Variants in GABRA3 observed in about 807,000 individuals in gnomAD.
The protein encoded by GABRA3 is gamma-aminobutyric acid receptor subunit alpha-3.
In GABRA3, 10 loss-of-function variants were observed where a neutral mutation model predicts 30.1. The observed-to-expected ratio is 0.33, with a 90% confidence interval of 0.20 to 0.56. The LOEUF is 0.56. GABRA3 is among the 20% of genes least tolerant of loss of function. The pLI is 0.89. For synonymous variants in GABRA3, 151 were observed against 146.8 expected (o/e 1.03, Z -0.21); for missense variants, 233 against 392.0 (o/e 0.59, Z 3.42).
intron 4 of GABRA3, among the ~76,000 whole-genome samples, chrX:152,273,473 G>T (rs1273129695): frequency 8.9e-6 from 1 of 112,328 alleles, no homozygotes; most frequent in Non-Finnish European, 1.9e-5. Context: ...ATATGTCCAA[G>T]AGCTACCTGT....
intron 3 of GABRA3, among the ~76,000 whole-genome samples, chrX:152,345,329 G>A: frequency 9.0e-6 from 1 of 111,584 alleles, no homozygotes; most frequent in Non-Finnish European, 1.9e-5. Context: ...AAACCATTGT[G>A]AGTCATGGAA....
At chrX:152,269,808 C>G (rs984319231) in intron 4 of GABRA3, among the ~76,000 whole-genome samples, 3 of 111,837 alleles carry the variant, frequency 2.7e-5, no homozygotes, top group African/African-American at 9.7e-5. Flanking sequence ...GAAATAAACT[C>G]GTCCCCTATC....
chrX:152,248,727 G>A (rs902498102), intron 5 of GABRA3, among the ~76,000 whole-genome samples: 1 of 111,318 alleles, frequency 9.0e-6, no homozygotes, highest in African/African-American at 3.3e-5. Flanking sequence ...AATTAGGTAG[G>A]AGTAATAAGT....
chrX:152,275,077 A>G (rs1308296855), intron 4 of GABRA3, among the ~76,000 whole-genome samples: 1 of 89,918 alleles, frequency 1.1e-5, no homozygotes, highest in Non-Finnish European at 2.1e-5. Context: ...ATATATTCAT[A>G]TATATAATAA....
chrX:152,291,902 G>A (rs926559622), intron 3 of GABRA3, among the ~76,000 whole-genome samples: 1 of 111,943 alleles, frequency 8.9e-6, no homozygotes, highest in Non-Finnish European at 1.9e-5. Context: ...TGTACTTACT[G>A]CTGGATTCGA....
At chrX:152,244,686 G>C (rs1291160973) in intron 5 of GABRA3, among the ~76,000 whole-genome samples, 1 of 111,758 alleles carries the variant, frequency 8.9e-6, no homozygotes, top group Non-Finnish European at 1.9e-5. Flanking sequence ...CTTCTGGAAA[G>C]TGAGGTTCTG....
chrX:152,296,889 G>A (rs1263039145), intron 3 of GABRA3, among the ~76,000 whole-genome samples: 1 of 109,682 alleles, frequency 9.1e-6, no homozygotes, highest in African/African-American at 3.3e-5. Flanking sequence ...AGTAGATAAG[G>A]GATTTCACCA....
At position 152,199,138 on chromosome X, in the gene GABRA3, G is replaced by A. The variant is rs187371439; in HGVS notation, c.779-1353C>T. ...TCCCAGCACTTTGGGAGGCCAAGGC[G>A]GGCAGATTACGAGGTCAGGAGATCG... On this transcript the variant is annotated intron_variant, in intron 7 of 9. Transcript: ENST00000370314. Among the ~76,000 whole-genome samples the A allele has an allele frequency of 5.2e-3, 576 of 110,872 alleles. 6 individuals carry two copies. Among genetic ancestry groups the A allele is most frequent in the African/African-American group, 0.017 (512 of 30,520 alleles).
chrX:152,359,756 G>A (rs1422981159), intron 2 of GABRA3, among the ~76,000 whole-genome samples: 2 of 111,157 alleles, frequency 1.8e-5, no homozygotes, highest in Non-Finnish European at 3.8e-5. Context: ...TTGTATCTTT[G>A]TTCTCATTAC....
intron 1 of GABRA3, among the ~76,000 whole-genome samples, chrX:152,442,657 A>C (rs1322934991): frequency 1.8e-5 from 2 of 111,910 alleles, no homozygotes; most frequent in African/African-American, 6.5e-5. Flanking sequence ...TTAAAGCTAC[A>C]ATAATATTTA....
chrX:152,338,345 C>A (rs1940264945), intron 3 of GABRA3, among the ~76,000 whole-genome samples: 1 of 112,227 alleles, frequency 8.9e-6, no homozygotes, highest in Non-Finnish European at 1.9e-5. Flanking sequence ...TGAGAAATGT[C>A]TGTTCAGATC....
intron 3 of GABRA3, among the ~76,000 whole-genome samples, chrX:152,327,157 C>T (rs1399246587): frequency 1.8e-5 from 2 of 111,105 alleles, no homozygotes; most frequent in Non-Finnish European, 3.8e-5. Context: ...GCTAACTATC[C>T]TAAATATATA....
At chrX:152,283,811 C>G (rs920677179) in intron 4 of GABRA3, among the ~76,000 whole-genome samples, 1 of 111,850 alleles carries the variant, frequency 8.9e-6, no homozygotes, top group Non-Finnish European at 1.9e-5. Context: ...TGAACATGGG[C>G]ATGTCATTAT....
intron 6 of GABRA3, among the ~76,000 whole-genome samples, chrX:152,217,098 A>G (rs1937738692): frequency 9.0e-6 from 1 of 111,524 alleles, no homozygotes; most frequent in Non-Finnish European, 1.9e-5. Flanking sequence ...CAAAACTTTT[A>G]TTATTCACAA....
chrX:152,304,102 T>A (rs74439407), intron 3 of GABRA3, among the ~76,000 whole-genome samples: 7,305 of 111,907 alleles, frequency 0.065, 275 homozygotes, highest in African/African-American at 0.12. Context: ...TGTTTGTATA[T>A]CTCCTTTAGA....
chrX:152,247,290 T>G (rs1033352249), intron 5 of GABRA3, among the ~76,000 whole-genome samples: 3 of 111,719 alleles, frequency 2.7e-5, no homozygotes, highest in Non-Finnish European at 5.7e-5. Flanking sequence ...ACGTAACCCA[T>G]AGCTGACATT....
At chrX:152,275,173 A>ATATATATTTAATATTATATATATAATT (rs1190799564) in intron 4 of GABRA3, among the ~76,000 whole-genome samples, 1 of 72,477 alleles carries the variant, frequency 1.4e-5, no homozygotes, top group Non-Finnish European at 2.5e-5. Context: ...TATATAATTT[A>ATATATATTTAATATTATATATATAATT]TATATATTTA....
intron 5 of GABRA3, among the ~76,000 whole-genome samples, chrX:152,231,923 A>T (rs1490120999): frequency 8.9e-6 from 1 of 111,798 alleles, no homozygotes; most frequent in Non-Finnish European, 1.9e-5. Context: ...ACACTGTATG[A>T]TTCCATTCAC....
intron 3 of GABRA3, among the ~76,000 whole-genome samples, chrX:152,314,177 T>G (rs1939838712): frequency 8.9e-6 from 1 of 111,746 alleles, no homozygotes; most frequent in South Asian, 3.8e-4. Flanking sequence ...TTGTCTTTTT[T>G]CTCTCAGTGC....
Sources: gnomAD v4.1 joint callset for allele counts (sites outside exome capture counted in the v4.1 genomes callset) on GRCh38, gnomAD v4.1.1 for gene constraint, MANE v1.5 for transcripts, NCBI Gene and HGNC (gene_info 2026-07-23, HGNC 2026-07-21) for gene names.